CCNI2: variants seen among roughly 807,000 people sequenced by gnomAD.
The protein encoded by CCNI2 is cyclin-I2.
Under a neutral mutation model 33.2 loss-of-function variants are expected in CCNI2, and 32 were observed. The observed-to-expected ratio is 0.96, with a 90% confidence interval of 0.73 to 1.30. CCNI2 has a LOEUF of 1.30. Ranked by LOEUF, CCNI2 falls within the 50% of genes most tolerant of loss-of-function variation. CCNI2 has a pLI of 0.00. For synonymous variants in CCNI2, 231 were observed against 219.9 expected, an observed-to-expected ratio of 1.05 and a Z score of -0.45; for missense variants, 452 against 486.2, an observed-to-expected ratio of 0.93 and a Z score of 0.66.
At chr5:132,749,445 A>G (rs978330953) in intron 3 of CCNI2, 23 bp downstream of exon 3, 4 of 1,586,536 alleles carry the variant, frequency 2.5e-6, no homozygotes, top group Non-Finnish European at 3.5e-6. Context: ...GGAAGTCCAC[A>G]CTGGGCTGCA....
At chr5:132,755,066 G>C (rs1755208679), downstream of CCNI2, among the ~76,000 whole-genome samples, 1 of 152,082 alleles carries the variant, frequency 6.6e-6, no homozygotes. Context: ...CTGGCTTCCT[G>C]GAGAGTCTCT....
chr5:132,752,272 AC>A, intron 5 of CCNI2, 76 bp downstream of exon 5: 1 of 1,434,172 alleles, frequency 7.0e-7, no homozygotes, highest in Non-Finnish European at 9.4e-7. Flanking sequence ...CCAAAGGGGT[AC>A]CCTTTGCCCT....
Position 132,752,248 on chromosome 5 carries a change from G to T in CCNI2, c.1005+52G>T, listed in dbSNP as rs1158818081. On this transcript the variant is annotated intron_variant, in intron 5 of 5. Transcript: ENST00000378731. ...GGCTCTGTGTTTTGCCCCTTTAGCT[G>T]ACACACTCTGACCCCAAAGGGGTAC... 3 of 1,515,960 alleles carry T rather than the reference G, an allele frequency of 2.0e-6. No homozygotes were observed. In the African/African-American group the frequency reaches 4.1e-5, roughly 21 times the overall value. 93.9% of individuals were successfully genotyped at this position (1,515,960 alleles called of 1,614,324 possible).
Position 132,749,345 on chromosome 5 carries a change from C to A in CCNI2, c.559-3C>A, listed in dbSNP as rs766498726. The A allele has an allele frequency of 6.2e-7, 1 of 1,611,486 alleles. No homozygotes were observed. The highest frequency in any genetic ancestry group is 8.5e-7 in the Non-Finnish European group (1 of 1,177,620). On this transcript the variant is annotated splice_region_variant and splice_polypyrimidine_tract_variant and intron_variant, in intron 2 of 5. Coordinates refer to ENST00000378731, the MANE Select transcript of CCNI2 (RefSeq NM_001039780.4). The stretch of plus-strand genomic sequence containing the variant: ...GCTCAAATGTGTTTGTTCCATACTG[C>A]AGGTAAAAGAGAAATACCTGCATTG...
chr5:132,750,054 CA>C (rs1047965253), intron 3 of CCNI2, among the ~76,000 whole-genome samples: 10 of 152,168 alleles, frequency 6.6e-5, no homozygotes, highest in African/African-American at 2.4e-4. Flanking sequence ...CTGCCATTGC[CA>C]CGGGGGTCAC....
At chr5:132,752,282 C>T in intron 5 of CCNI2, 86 bp downstream of exon 5, 1 of 1,379,966 alleles carries the variant, frequency 7.2e-7, no homozygotes, top group Non-Finnish European at 9.7e-7. Flanking sequence ...ACCCTTTGCC[C>T]TTGTAGCCTC....
intron 4 of CCNI2, 147 bp from the exon 5 acceptor site, chr5:132,751,819 C>G: frequency 2.1e-6 from 2 of 958,960 alleles, no homozygotes; most frequent in South Asian, 3.4e-5. Context: ...AAGCCTCAAG[C>G]CCCTTACGGA....
In CCNI2 at chr5:132,753,230, A is replaced by G. The variant is rs1004392058; in HGVS notation, c.*260A>G. 4.3e-6 allele frequency: 2 copies of G among 470,544 alleles called. No individual in the cohort carries two copies. The highest frequency in any genetic ancestry group is 3.9e-6 in the Non-Finnish European group (1 of 259,608). The allele number at this position is 470,544 out of a possible 1,614,324, so 29.1% of individuals were successfully genotyped here. On this transcript the variant is annotated 3_prime_UTR_variant, in exon 6 of 6. Coordinates refer to ENST00000378731, the MANE Select transcript of CCNI2 (RefSeq NM_001039780.4). ...CTTTTTCTCCTCTGGGCCTGAAGCC[A>G]GGGAGTATGAATGAATGTTCAAATG...
Position 132,754,151 on chromosome 5 carries a change from TTTAA to T in CCNI2, c.*1184_*1187del, listed in dbSNP as rs1436078352. 1 of 421,706 alleles carries T rather than the reference TTTAA, an allele frequency of 2.4e-6. No individual in the cohort carries two copies. The highest frequency in any genetic ancestry group is 2.0e-5 in the African/African-American group (1 of 50,624). The allele number at this position is 421,706 out of a possible 1,614,324, so 26.1% of individuals were successfully genotyped here. A position where few individuals can be genotyped will look rare whatever the true frequency, so the allele number is the denominator to read the frequency against. Reference sequence around the variant, plus strand: ...GTTGGTGCTTTCGTTAAAATTACACTTTAATTGCTTCCGATCCTGTATGAGTCTT... The same window carrying T: ...GTTGGTGCTTTCGTTAAAATTACACTTTGCTTCCGATCCTGTATGAGTCTT... On this transcript the variant is annotated 3_prime_UTR_variant, in exon 6 of 6. Coordinates refer to ENST00000378731, the MANE Select transcript of CCNI2 (RefSeq NM_001039780.4).
chr5:132,755,894 C>A, downstream of CCNI2: 1 of 894,504 alleles, frequency 1.1e-6, no homozygotes, highest in Non-Finnish European at 1.3e-6. Context: ...TCAACCTCCA[C>A]AAAATTCAAA....
chr5:132,755,710 C>T (rs930083738), downstream of CCNI2, among the ~76,000 whole-genome samples: 32 of 152,264 alleles, frequency 2.1e-4, no homozygotes, highest in African/African-American at 6.5e-4. Flanking sequence ...GGCAGGTGCC[C>T]CTTTTCTCAT....
At chr5:132,748,828 C>T (rs999185624) in intron 2 of CCNI2, among the ~76,000 whole-genome samples, 3 of 152,066 alleles carry the variant, frequency 2.0e-5, no homozygotes. Flanking sequence ...CAGTCAGTCC[C>T]GAAATGAAGG....
chr5:132,752,216 C>T lies in CCNI2; in HGVS notation c.1005+20C>T. 17 of 1,549,668 alleles carry T rather than the reference C, an allele frequency of 1.1e-5. No homozygotes were observed. The highest frequency in any genetic ancestry group is 1.4e-5 in the Non-Finnish European group (16 of 1,144,496). On this transcript the variant is annotated intron_variant, in intron 5 of 5. Coordinates refer to ENST00000378731, the MANE Select transcript of CCNI2 (RefSeq NM_001039780.4). ...GCACAGGTAGACATCAACTTTGCCC[C>T]AGACCAGGCTCTGTGTTTTGCCCCT...
At chr5:132,751,898 A>G in intron 4 of CCNI2, 68 bp from the exon 5 acceptor site, 1 of 1,506,138 alleles carries the variant, frequency 6.6e-7, no homozygotes, top group South Asian at 1.2e-5. Context: ...AATTGTTTGC[A>G]CTTTTGATCA....
chr5:132,755,600 AGAGGAGTT>A (rs1755253762), downstream of CCNI2, among the ~76,000 whole-genome samples: 1 of 152,236 alleles, frequency 6.6e-6, no homozygotes, highest in East Asian at 1.9e-4. Context: ...GATGAGGATT[AGAGGAGTT>A]AATGCATGTA....
At chr5:132,750,228 G>C (rs1754748944) in intron 3 of CCNI2, among the ~76,000 whole-genome samples, 1 of 152,158 alleles carries the variant, frequency 6.6e-6, no homozygotes, top group Admixed American at 6.5e-5. Flanking sequence ...GGAGGTTATA[G>C]TAATACTTCT....
At chr5:132,749,203 C>G (rs1754702855) in intron 2 of CCNI2, 145 bp from the exon 3 acceptor site, 3 of 637,424 alleles carry the variant, frequency 4.7e-6, no homozygotes, top group Non-Finnish European at 8.4e-6. Flanking sequence ...TTGCAGTGAG[C>G]CAAGATCATG....
chr5:132,747,829 A>G lies in CCNI2; in HGVS notation c.334A>G (p.Asn112Asp). Reference sequence around the variant, plus strand: ...GGCTCCACAGTCCCGCAAGCCGCGCAACCTGGAAGGCGACCTGGACGAGCG... The same window carrying G: ...GGCTCCACAGTCCCGCAAGCCGCGCGACCTGGAAGGCGACCTGGACGAGCG... ...RPAPQSRKPR[N>D]LEGDLDERRL... is the part of the protein sequence containing the mutation. Residue 112 changes from asparagine (N) to aspartate (D), a missense_variant, in exon 1 of 6, where the codon AAC becomes GAC. By Grantham distance (23) the Asn-to-Asp change is conservative. Transcript: ENST00000378731. This position sits in a 1 kb window ranked among gnomAD's most constrained non-coding sequence, Gnocchi z 4.1. 1 of 1,481,098 alleles carries G rather than the reference A, an allele frequency of 6.8e-7. No individual in the cohort carries two copies. The highest frequency in any genetic ancestry group is 2.1e-4 in the Middle Eastern group (1 of 4,758). 91.7% of individuals were successfully genotyped at this position (1,481,098 alleles called of 1,614,324 possible).
rs1016120286 is a variant in CCNI2, at chr5:132,752,966, A to G, written c.1106A>G (p.Asn369Ser). Residue 369 changes from asparagine (N) to serine (S), a missense_variant, in exon 6 of 6, where the codon AAC (asparagine) becomes AGC (serine). Physicochemically the swap from Asn to Ser is conservative, Grantham distance 46 (BLOSUM62 1). Coordinates refer to ENST00000378731, the MANE Select transcript of CCNI2 (RefSeq NM_001039780.4). ...ACAGACAACTTTGTGTCACCTGCCA[A>G]CTAGCCCCTCTGCCTCCACCCCGGG... Reference protein sequence around the residue: ...SCTDNFVSPAN With the variant: ...SCTDNFVSPAS 1 of 1,613,662 alleles carries G rather than the reference A, an allele frequency of 6.2e-7. No homozygotes were observed.
Sources: gnomAD v4.1 joint callset for allele counts (sites outside exome capture counted in the v4.1 genomes callset) on GRCh38, gnomAD v4.1.1 for gene constraint, Gnocchi (gnomAD v3.1) non-coding constraint, MANE v1.5 for transcripts, NCBI Gene and HGNC (gene_info 2026-07-23, HGNC 2026-07-21) for gene names.